Variants in TAFA2 observed in about 807,000 individuals in gnomAD.
The protein encoded by TAFA2 is TAFA chemokine like family member 2, also known as chemokine-like protein TAFA-2.
Under a neutral mutation model 18.8 loss-of-function variants are expected in TAFA2, and 7 were observed. The ratio of observed to expected loss-of-function variants is 0.37; its 90% confidence interval spans 0.21 to 0.70. TAFA2 has a LOEUF of 0.70. Ranked by LOEUF, TAFA2 falls within the 30% of genes least tolerant of loss-of-function variation. The probability of loss-of-function intolerance (pLI) is 0.53; values close to 1 mark genes in which losing one functional copy is unlikely to be tolerated. For synonymous variants in TAFA2, 60 were observed against 54.2 expected (o/e 1.11, Z -0.47); for missense variants, 122 against 158.1 (o/e 0.77, Z 1.23).
At chr12:61,796,805 G>A (rs1365343127) in intron 2 of TAFA2, among the ~76,000 whole-genome samples, 1 of 152,116 alleles carries the variant, frequency 6.6e-6, no homozygotes, top group African/African-American at 2.4e-5. Flanking sequence ...ATTTAGTGCT[G>A]ATCAACTTTG....
chr12:62,077,857 C>G (rs376249247), intron 1 of TAFA2, among the ~76,000 whole-genome samples: 1 of 152,260 alleles, frequency 6.6e-6, no homozygotes, highest in African/African-American at 2.4e-5. Context: ...AGCTCTCAAG[C>G]CTTATTTTTA....
intron 2 of TAFA2, among the ~76,000 whole-genome samples, chr12:61,864,748 A>G (rs1168712201): frequency 1.5e-5 from 2 of 132,252 alleles, no homozygotes; most frequent in Non-Finnish European, 3.1e-5. Flanking sequence ...ACTCTAGCCT[A>G]GGCGACAGAG....
chr12:61,946,286 C>T (rs1030010839), intron 1 of TAFA2, among the ~76,000 whole-genome samples: 13 of 150,970 alleles, frequency 8.6e-5, no homozygotes, highest in African/African-American at 2.4e-5. Context: ...CCCTTCCTTA[C>T]ATCTTATATA....
At chr12:61,844,204 G>A (rs1180298027) in intron 2 of TAFA2, among the ~76,000 whole-genome samples, 1 of 152,044 alleles carries the variant, frequency 6.6e-6, no homozygotes, top group African/African-American at 2.4e-5. Context: ...AGCCAATAAA[G>A]AAATATTTCA....
At position 61,760,365 on chromosome 12, in the gene TAFA2, A is replaced by AATATAT. The variant is rs71083956; in HGVS notation, c.107-5347_107-5342dup. Among the ~76,000 whole-genome samples the AATATAT allele has an allele frequency of 3.4e-4, 41 of 122,218 alleles. 3 individuals carry two copies. The highest frequency in any genetic ancestry group is 9.3e-4 in the African/African-American group (31 of 33,404). The allele number at this position is 122,218 out of a possible 152,430, so 80.2% of individuals were successfully genotyped here. ...TTGGCATTGGTAGGAAAAATATCAAAATATATATATATATATATGCGCCAG... is the reference window on the plus strand; with the variant it reads ...TTGGCATTGGTAGGAAAAATATCAAAATATATATATATATATATATATATGCGCCAG... On this transcript the variant is annotated intron_variant, in intron 2 of 4. Transcript: ENST00000416284.
At chr12:62,205,657 C>A (rs2062688751) in intron 1 of TAFA2, among the ~76,000 whole-genome samples, 1 of 152,152 alleles carries the variant, frequency 6.6e-6, no homozygotes, top group Admixed American at 6.5e-5. Context: ...CTCCTGGGTC[C>A]AAACCGCCCA....
intron 1 of TAFA2, among the ~76,000 whole-genome samples, chr12:62,045,879 T>C (rs947109656): frequency 6.6e-6 from 1 of 151,892 alleles, no homozygotes; most frequent in Non-Finnish European, 1.5e-5. Flanking sequence ...GTATACAGAG[T>C]GTCAACAAAA....
chr12:62,208,291 T>C (rs896693302), intron 1 of TAFA2, among the ~76,000 whole-genome samples: 6 of 151,590 alleles, frequency 4.0e-5, no homozygotes, highest in African/African-American at 1.2e-4. Flanking sequence ...AGTGGCATCA[T>C]AAAAGATAGT....
intron 1 of TAFA2, among the ~76,000 whole-genome samples, chr12:61,898,056 C>T (rs759642674): frequency 3.9e-5 from 6 of 152,256 alleles, no homozygotes; most frequent in Non-Finnish European, 7.3e-5. Flanking sequence ...TCCAGCAGGA[C>T]AGTCATCACA....
intron 1 of TAFA2, among the ~76,000 whole-genome samples, chr12:62,100,858 G>A (rs1869166456): frequency 6.6e-6 from 1 of 152,126 alleles, no homozygotes; most frequent in Non-Finnish European, 1.5e-5. Flanking sequence ...GTGGCATAAA[G>A]GTAGGTATTA....
chr12:62,047,585 C>A (rs1425202124), intron 1 of TAFA2, among the ~76,000 whole-genome samples: 1 of 152,086 alleles, frequency 6.6e-6, no homozygotes, highest in Non-Finnish European at 1.5e-5. Flanking sequence ...TCCAATGTAG[C>A]TTTTCAAACT....
At chr12:62,092,791 C>T (rs1267282843) in intron 1 of TAFA2, among the ~76,000 whole-genome samples, 1 of 151,890 alleles carries the variant, frequency 6.6e-6, no homozygotes, top group Non-Finnish European at 1.5e-5. Context: ...TTTAACATAT[C>T]CATCTGCAAA....
chr12:62,220,364 T>C lies in TAFA2; in HGVS notation c.-130+38399A>G, dbSNP rs193268281. ...CAATAATGAGATACCACTACACACC[T>C]GTAAGAATGGTCAAAATCAAAACAT... is the stretch of plus-strand genomic sequence containing the variant. On this transcript the variant is annotated intron_variant, in intron 1 of 5. Coordinates refer to the TAFA2 transcript ENST00000551619. Among the ~76,000 whole-genome samples the C allele has an allele frequency of 2.5e-3, 375 of 152,330 alleles. 1 individual carries two copies. The highest frequency in any genetic ancestry group is 4.0e-3 in the Non-Finnish European group (275 of 68,026).
At chr12:61,884,898 A>C (rs1301883873) in intron 1 of TAFA2, among the ~76,000 whole-genome samples, 2 of 152,218 alleles carry the variant, frequency 1.3e-5, no homozygotes, top group Non-Finnish European at 2.9e-5. Context: ...CAAATGTGGA[A>C]GCCTGCCTTC....
chr12:61,743,893 T>A (rs950301048), intron 4 of TAFA2, among the ~76,000 whole-genome samples: 3 of 152,072 alleles, frequency 2.0e-5, no homozygotes, highest in Admixed American at 6.6e-5. Context: ...TAATAGGAGG[T>A]TTGCCACTCA....
At chr12:61,941,858 C>T (rs945170838) in intron 1 of TAFA2, among the ~76,000 whole-genome samples, 15 of 151,962 alleles carry the variant, frequency 9.9e-5, no homozygotes, top group African/African-American at 2.4e-4. Context: ...AACTGCAAGG[C>T]GGCAGCGAGG....
Position 61,958,327 on chromosome 12 carries a change from C to T in TAFA2, c.-1-90901G>A, listed in dbSNP as rs73310291. ...TCTGATTTTTGACAGAACAAAAATG[C>T]CATAATAAATGTTTTCTTATACGTA... On this transcript the variant is annotated intron_variant, in intron 1 of 4. Coordinates refer to ENST00000416284, the MANE Select transcript of TAFA2 (RefSeq NM_178539.5). Among the ~76,000 whole-genome samples, 752 of 152,050 alleles carry T rather than the reference C, an allele frequency of 4.9e-3. 8 individuals carry two copies. Among genetic ancestry groups the T allele is most frequent in the African/African-American group, 0.017 (712 of 41,500 alleles).
At chr12:62,168,498 T>A (rs1188541525) in intron 1 of TAFA2, among the ~76,000 whole-genome samples, 1 of 152,100 alleles carries the variant, frequency 6.6e-6, no homozygotes, top group African/African-American at 2.4e-5. Flanking sequence ...GCTGATAAAC[T>A]GCAAAGAAAA....
At chr12:61,941,227 T>A (rs1168133650) in intron 1 of TAFA2, among the ~76,000 whole-genome samples, 1 of 152,026 alleles carries the variant, frequency 6.6e-6, no homozygotes, top group Non-Finnish European at 1.5e-5. Flanking sequence ...TACTAATAAC[T>A]TTTATATAGA....
Sources: gnomAD v4.1 joint callset for allele counts (sites outside exome capture counted in the v4.1 genomes callset) on GRCh38, gnomAD v4.1.1 for gene constraint, MANE v1.5 for transcripts, NCBI Gene and HGNC (gene_info 2026-07-23, HGNC 2026-07-21) for gene names.